NDEL1: variants seen among roughly 807,000 people sequenced by gnomAD.
The protein encoded by NDEL1 is nuclear distribution protein nudE-like 1.
NDEL1 carries 9 observed loss-of-function variants against 45.7 expected under a neutral mutation model. The ratio of observed to expected loss-of-function variants is 0.20; its 90% CI spans 0.12 to 0.34. The LOEUF (loss-of-function observed/expected upper bound fraction) is 0.34, where lower values mean the gene tolerates loss of function less well. Among genes scored for constraint, NDEL1 ranks in the 10% least tolerant of loss-of-function variants. The probability of loss-of-function intolerance (pLI) is 1.00; values close to 1 mark genes in which losing one functional copy is unlikely to be tolerated. For missense variants in NDEL1, 306 were observed against 406.2 expected (o/e 0.75, Z 2.12); for synonymous variants, 133 against 158.6 (o/e 0.84, Z 1.21).
chr17:8,418,356 C>T (rs1908603110), intron 1 of NDEL1, among the ~76,000 whole-genome samples: 1 of 152,168 alleles, frequency 6.6e-6, no homozygotes, highest in South Asian at 2.1e-4. Flanking sequence ...AGACAGTGGG[C>T]TTCCTTACAC....
chr17:8,442,613 C>T (rs1909808973), intron 1 of NDEL1, among the ~76,000 whole-genome samples: 1 of 150,316 alleles, frequency 6.7e-6, no homozygotes, highest in East Asian at 2.0e-4. Flanking sequence ...AGCCTCAATT[C>T]AAATATTTAT....
At position 8,423,437 on chromosome 17, in the gene NDEL1, A is replaced by C. The variant is rs937554109; in HGVS notation, c.-13+10168A>C. ...GGTGGTTCATGCCTATCATCCCAGCACTTTGGGAGGCTGAGACGGGCAGAT... is the reference window on the plus strand; with the variant it reads ...GGTGGTTCATGCCTATCATCCCAGCCCTTTGGGAGGCTGAGACGGGCAGAT... On this transcript the variant is annotated intron_variant, in intron 1 of 4. Coordinates refer to the NDEL1 transcript ENST00000582812. 2.0e-5 allele frequency among the ~76,000 whole-genome samples: 3 copies of C among 152,218 alleles called. No homozygotes were observed. The East Asian group carries it at 5.8e-4, about 29-fold the overall frequency.
upstream of NDEL1, among the ~76,000 whole-genome samples, chr17:8,433,042 G>T (rs1187496573): frequency 6.6e-6 from 1 of 151,582 alleles, no homozygotes; most frequent in Non-Finnish European, 1.5e-5. Flanking sequence ...GGTAGCCACC[G>T]CTTTGTCTTC....
At position 8,467,230 on chromosome 17, in the gene NDEL1, C is replaced by T. The variant is rs1166779630; in HGVS notation, c.*207C>T. Reference sequence around the variant, plus strand: ...ATCAATACTGGCTATTTTCTCTTCTCGCCGTAGTGCCGTTGGTTTCACATG... The same window carrying T: ...ATCAATACTGGCTATTTTCTCTTCTTGCCGTAGTGCCGTTGGTTTCACATG... On this transcript the variant is annotated 3_prime_UTR_variant, in exon 9 of 9. Transcript: ENST00000334527. The surrounding 1 kb of genome is among the most constrained non-coding windows in gnomAD (Gnocchi z 6.3). 16 of 594,244 alleles carry T rather than the reference C, an allele frequency of 2.7e-5. No homozygotes were observed. The highest frequency in any genetic ancestry group is 4.5e-4 in the Middle Eastern group (1 of 2,244). The allele number at this position is 594,244 out of a possible 1,614,324, so 36.8% of individuals were successfully genotyped here.
chr17:8,458,194 T>C (rs1011878509), intron 7 of NDEL1, among the ~76,000 whole-genome samples: 1 of 152,066 alleles, frequency 6.6e-6, no homozygotes, highest in African/African-American at 2.4e-5. Context: ...ATGCCCTCTT[T>C]TCTCTCCTTC....
intron 1 of NDEL1, among the ~76,000 whole-genome samples, chr17:8,438,164 G>A (rs145786565): frequency 2.0e-5 from 3 of 152,184 alleles, no homozygotes; most frequent in African/African-American, 7.2e-5. Context: ...TCACCATGTT[G>A]GTCAGGCTGG....
chr17:8,463,077 C>T (rs113257933), intron 8 of NDEL1: 127 of 365,092 alleles, frequency 3.5e-4, no homozygotes, highest in African/African-American at 2.5e-3. Flanking sequence ...ACCATGGTCA[C>T]CCTTTGTCTC....
chr17:8,435,810 G>A (rs970632061), upstream of NDEL1: 9 of 399,132 alleles, frequency 2.3e-5, no homozygotes, highest in African/African-American at 8.9e-5. Flanking sequence ...ACCCCGCCCC[G>A]CATACCCGTG....
At chr17:8,419,835 CTCA>C (rs1295469611) in intron 1 of NDEL1, among the ~76,000 whole-genome samples, 2 of 152,128 alleles carry the variant, frequency 1.3e-5, no homozygotes, top group East Asian at 3.8e-4. Context: ...TTCTGGGACC[CTCA>C]TTAGATACCT....
At chr17:8,435,467 T>C (rs1015738318), upstream of NDEL1, among the ~76,000 whole-genome samples, 10 of 151,954 alleles carry the variant, frequency 6.6e-5, no homozygotes, top group Non-Finnish European at 1.0e-4. Context: ...TTTGTGAGAG[T>C]GATGCTTAGA....
intron 1 of NDEL1, among the ~76,000 whole-genome samples, chr17:8,417,555 G>T (rs899346480): frequency 6.6e-6 from 1 of 152,202 alleles, no homozygotes; most frequent in Non-Finnish European, 1.5e-5. Flanking sequence ...GTGTCTGTGC[G>T]TGTGTCTGTA....
At chr17:8,427,001 T>A (rs1908851389) in intron 1 of NDEL1, among the ~76,000 whole-genome samples, 1 of 152,196 alleles carries the variant, frequency 6.6e-6, no homozygotes, top group African/African-American at 2.4e-5. Context: ...CAAAGCACCT[T>A]CCTGGCAAGG....
At chr17:8,453,166 C>T (rs953968061) in intron 6 of NDEL1, among the ~76,000 whole-genome samples, 5 of 152,100 alleles carry the variant, frequency 3.3e-5, no homozygotes, top group African/African-American at 9.7e-5. Flanking sequence ...AACAGTACAG[C>T]GGTTTTTTAT....
chr17:8,446,822 G>C lies in NDEL1; in HGVS notation c.309G>C (p.Gln103His), dbSNP rs952209864. Reference protein sequence around the residue: ...QVSVLEDDLSQTRAIKEQLHK... With the variant: ...QVSVLEDDLSHTRAIKEQLHK... ...CAGTGTTAGAAGATGATTTAAGTCAGACTCGGGCCATTAAGGAGCAGTTGC... is the reference window on the plus strand; with the variant it reads ...CAGTGTTAGAAGATGATTTAAGTCACACTCGGGCCATTAAGGAGCAGTTGC... The change falls in exon 4 of 9, where the codon CAG becomes CAC. Residue 103 changes from glutamine (Q) to histidine (H), a missense_variant. This residue lies in a region of NDEL1 where 112 missense variants were observed against 148.3 expected (regional missense o/e 0.76). Transcript: ENST00000334527. 8.7e-6 allele frequency: 14 copies of C among 1,614,210 alleles called. No individual in the cohort carries two copies. Among genetic ancestry groups the C allele is most frequent in the Non-Finnish European group, 1.2e-5 (14 of 1,180,042 alleles).
intron 7 of NDEL1, among the ~76,000 whole-genome samples, chr17:8,459,283 G>A (rs1911047226): frequency 6.6e-6 from 1 of 152,134 alleles, no homozygotes; most frequent in South Asian, 2.1e-4. Flanking sequence ...AAGTGTGAGT[G>A]TGTGGAAATA....
chr17:8,470,190 T>C (rs1911802977), downstream of NDEL1, among the ~76,000 whole-genome samples: 1 of 152,166 alleles, frequency 6.6e-6, no homozygotes, highest in African/African-American at 2.4e-5. This position sits in a 1 kb window ranked among gnomAD's most constrained non-coding sequence, Gnocchi z 4.2. Flanking sequence ...ACCGTTTGCC[T>C]GTCTAGCTGA....
chr17:8,470,922 G>A (rs1321248624), downstream of NDEL1, among the ~76,000 whole-genome samples: 7 of 152,202 alleles, frequency 4.6e-5, no homozygotes, highest in Non-Finnish European at 5.9e-5. This position sits in a 1 kb window ranked among gnomAD's most constrained non-coding sequence, Gnocchi z 4.2. Context: ...CCACTAGTGC[G>A]CATCTCCTGA....
At chr17:8,432,363 T>TATATA (rs1909036174), upstream of NDEL1, among the ~76,000 whole-genome samples, 9 of 62,030 alleles carry the variant, frequency 1.5e-4, no homozygotes, top group Non-Finnish European at 3.2e-4. Context: ...AATATAAATA[T>TATATA]ATATATATTT....
chr17:8,439,520 C>G (rs952303881), intron 1 of NDEL1, among the ~76,000 whole-genome samples: 9 of 151,948 alleles, frequency 5.9e-5, no homozygotes, highest in African/African-American at 1.9e-4. Flanking sequence ...TCCCAAAGTG[C>G]TAGGATTATA....
Sources: allele counts gnomAD v4.1 joint callset (sites outside exome capture counted in the v4.1 genomes callset), GRCh38; gene constraint gnomAD v4.1.1; regional missense constraint gnomAD v4.1.1; non-coding constraint Gnocchi (gnomAD v3.1); transcripts MANE v1.5; gene names NCBI Gene and HGNC (gene_info 2026-07-23, HGNC 2026-07-21).